EXOC4: variants seen among roughly 807,000 people sequenced by gnomAD.
EXOC4 encodes the protein SEC8-like 1.
EXOC4 carries 71 observed loss-of-function variants against 107.2 expected under a neutral mutation model. The ratio of observed to expected loss-of-function variants is 0.66; its 90% confidence interval spans 0.55 to 0.81. The LOEUF (loss-of-function observed/expected upper bound fraction) is 0.81. Among genes scored for constraint, EXOC4 ranks in the 30% least tolerant of loss-of-function variants. The probability of loss-of-function intolerance (pLI) is 0.00; values close to 1 mark genes in which losing one functional copy is unlikely to be tolerated. For missense variants in EXOC4, 1,108 were observed against 1,189.6 expected, an observed-to-expected ratio of 0.93 and a Z score of 1.01; for synonymous variants, 456 against 441.2, an observed-to-expected ratio of 1.03 and a Z score of -0.42.
chr7:133,942,425 T>G (rs942871025), intron 14 of EXOC4, among the ~76,000 whole-genome samples: 4 of 152,212 alleles, frequency 2.6e-5, no homozygotes, highest in African/African-American at 4.8e-5. Flanking sequence ...TCTAATTTTT[T>G]GGGCAAATAA....
chr7:133,573,573 T>C (rs1475858150), intron 9 of EXOC4, among the ~76,000 whole-genome samples: 1 of 152,190 alleles, frequency 6.6e-6, no homozygotes, highest in Non-Finnish European at 1.5e-5. Context: ...TATACAGTCC[T>C]GTGGAACTTG....
intron 10 of EXOC4, among the ~76,000 whole-genome samples, chr7:133,709,286 A>T (rs1452876379): frequency 6.6e-6 from 1 of 152,184 alleles, no homozygotes; most frequent in African/African-American, 2.4e-5. Flanking sequence ...GACGTAGGAG[A>T]TGACATCAAG....
intron 10 of EXOC4, chr7:133,732,424 C>T (rs987636556): frequency 1.3e-5 from 2 of 152,292 alleles, no homozygotes; most frequent in African/African-American, 4.8e-5. Context: ...ACCTATGTAA[C>T]CAACCTGCAC....
intron 13 of EXOC4, among the ~76,000 whole-genome samples, chr7:133,935,292 G>A (rs1039784478): frequency 6.6e-6 from 1 of 152,042 alleles, no homozygotes; most frequent in African/African-American, 2.4e-5. Context: ...GAGCTTCCTT[G>A]ATGCCCATCT....
chr7:133,916,345 G>A (rs533206756), intron 12 of EXOC4, among the ~76,000 whole-genome samples: 11 of 152,294 alleles, frequency 7.2e-5, no homozygotes, highest in East Asian at 1.9e-4. Flanking sequence ...GGACCAGTCC[G>A]TGGCCCAGGG....
chr7:133,757,758 A>C (rs533052691), intron 10 of EXOC4, among the ~76,000 whole-genome samples: 1 of 152,200 alleles, frequency 6.6e-6, no homozygotes, highest in Non-Finnish European at 1.5e-5. Context: ...TCATATGACA[A>C]ATACTGTGTG....
intron 2 of EXOC4, among the ~76,000 whole-genome samples, chr7:133,288,683 T>C (rs1475653255): frequency 6.6e-6 from 1 of 152,104 alleles, no homozygotes; most frequent in African/African-American, 2.4e-5. Context: ...CACTCAAAGG[T>C]AGGTTGGGAG....
intron 10 of EXOC4, among the ~76,000 whole-genome samples, chr7:133,755,253 T>TAA (rs1491279925): frequency 3.0e-5 from 3 of 100,000 alleles, no homozygotes; most frequent in African/African-American, 4.6e-5. Context: ...AATATATATA[T>TAA]TATATATATA....
chr7:133,347,146 T>G (rs1378799078), intron 5 of EXOC4, among the ~76,000 whole-genome samples: 2 of 152,144 alleles, frequency 1.3e-5, no homozygotes, highest in Admixed American at 6.5e-5. Flanking sequence ...CTATTTAGCT[T>G]TTTTATATGT....
chr7:133,505,655 C>A (rs1799653164), intron 9 of EXOC4, among the ~76,000 whole-genome samples: 1 of 152,116 alleles, frequency 6.6e-6, no homozygotes, highest in Non-Finnish European at 1.5e-5. Context: ...CATTCTGATT[C>A]TTCTAAGAAT....
chr7:133,369,578 T>A (rs902545640), intron 6 of EXOC4, among the ~76,000 whole-genome samples: 7 of 152,124 alleles, frequency 4.6e-5, no homozygotes, highest in Non-Finnish European at 1.0e-4. Flanking sequence ...TTTTTAATGA[T>A]ACTCTTTCCT....
In EXOC4 at chr7:133,903,027, TGA is replaced by T. The variant is rs763557683; in HGVS notation, c.1871+7293_1871+7294del. ...GCTTAGAGGAAAGGCTCCAAGGAGT[TGA>T]AAGAGTTTGACCAGCCATCTGGGTA... On this transcript the variant is annotated intron_variant, in intron 12 of 17. Transcript: ENST00000253861. Among the ~76,000 whole-genome samples, 5 of 152,252 alleles carry T rather than the reference TGA, an allele frequency of 3.3e-5. No individual in the cohort carries two copies. In the South Asian group the frequency reaches 1.0e-3, roughly 32 times the overall value.
intron 3 of EXOC4, 66 bp from the exon 4 acceptor site, chr7:133,305,811 C>G: frequency 7.3e-7 from 1 of 1,364,576 alleles, no homozygotes. Context: ...AGACGTCTTT[C>G]TTATTTATAA....
chr7:134,046,468 T>TC (rs1795653563), intron 17 of EXOC4, among the ~76,000 whole-genome samples: 2 of 150,282 alleles, frequency 1.3e-5, no homozygotes, highest in Non-Finnish European at 3.0e-5. Context: ...AGACTATGTC[T>TC]TAAAAAAAAA....
At chr7:133,307,319 G>A (rs1794774901) in intron 4 of EXOC4, among the ~76,000 whole-genome samples, 1 of 152,312 alleles carries the variant, frequency 6.6e-6, no homozygotes, top group South Asian at 2.1e-4. Context: ...GACTAGCTCT[G>A]AATAGGGTAT....
At chr7:133,461,482 C>T (rs1021505674) in intron 7 of EXOC4, among the ~76,000 whole-genome samples, 8 of 152,250 alleles carry the variant, frequency 5.3e-5, no homozygotes, top group African/African-American at 1.7e-4. Flanking sequence ...ACAATATTTA[C>T]ATATTACAGA....
intron 12 of EXOC4, among the ~76,000 whole-genome samples, chr7:133,912,755 C>G (rs555913870): frequency 6.6e-6 from 1 of 152,150 alleles, no homozygotes; most frequent in African/African-American, 2.4e-5. Context: ...TTCCAGCTTG[C>G]AAAAAAGTGT....
chr7:133,423,423 C>T (rs768997064), intron 7 of EXOC4, among the ~76,000 whole-genome samples: 12 of 152,240 alleles, frequency 7.9e-5, no homozygotes, highest in South Asian at 6.2e-4. Context: ...GCAATATGTA[C>T]GCCATAGCAC....
At chr7:133,832,579 C>T (rs1436371376) in intron 11 of EXOC4, among the ~76,000 whole-genome samples, 1 of 152,202 alleles carries the variant, frequency 6.6e-6, no homozygotes, top group East Asian at 1.9e-4. Flanking sequence ...AGACTGGCTT[C>T]TTACACTCAG....
Sources: gnomAD v4.1 joint callset for allele counts (sites outside exome capture counted in the v4.1 genomes callset) on GRCh38, gnomAD v4.1.1 for gene constraint, MANE v1.5 for transcripts, NCBI Gene and HGNC (gene_info 2026-07-23, HGNC 2026-07-21) for gene names.